Variants in FNDC3B observed in about 807,000 individuals in gnomAD.
FNDC3B encodes the protein fibronectin type III domain-containing protein 3B.
In FNDC3B, 12 loss-of-function variants were observed where a neutral mutation model predicts 151.5. The observed-to-expected ratio is 0.08, with a 90% CI of 0.05 to 0.13. The LOEUF is 0.13. Ranked by LOEUF, FNDC3B falls within the 10% of genes least tolerant of loss-of-function variation. The pLI is 1.00. For synonymous variants in FNDC3B, 528 were observed against 549.0 expected (o/e 0.96, Z 0.54); for missense variants, 1,214 against 1,505.3 (o/e 0.81, Z 3.20).
chr3:172,228,171 A>G (rs1726690125), intron 4 of FNDC3B, among the ~76,000 whole-genome samples: 1 of 152,200 alleles, frequency 6.6e-6, no homozygotes, highest in South Asian at 2.1e-4. Context: ...CTTACTTTAC[A>G]CAAGTCTTTG....
intron 25 of FNDC3B, among the ~76,000 whole-genome samples, chr3:172,381,444 C>CT (rs1031899122): frequency 1.3e-5 from 2 of 148,518 alleles, no homozygotes; most frequent in Admixed American, 6.7e-5. Context: ...GAAGTAGTCT[C>CT]TTTTTTTGTT....
chr3:172,224,079 A>G (rs563345285), intron 3 of FNDC3B, among the ~76,000 whole-genome samples: 19 of 152,368 alleles, frequency 1.2e-4, no homozygotes, highest in Non-Finnish European at 2.2e-4. Flanking sequence ...CACTCTTAAC[A>G]TCTGCTCCAT....
intron 3 of FNDC3B, among the ~76,000 whole-genome samples, chr3:172,220,159 G>C (rs1238063263): frequency 1.2e-5 from 1 of 81,584 alleles, no homozygotes; most frequent in East Asian, 2.5e-4. Context: ...GTCAACACTT[G>C]TTATTTTCTG....
intron 20 of FNDC3B, 48 bp from the exon 21 acceptor site, chr3:172,347,164 T>A: frequency 6.5e-7 from 1 of 1,550,122 alleles, no homozygotes; most frequent in Admixed American, 1.8e-5. Flanking sequence ...CACAGTAGGA[T>A]TCTCTTCTCA....
At chr3:172,064,468 C>A (rs1717388428) in intron 1 of FNDC3B, among the ~76,000 whole-genome samples, 1 of 152,192 alleles carries the variant, frequency 6.6e-6, no homozygotes, top group African/African-American at 2.4e-5. Context: ...GTTTACTCAT[C>A]TTTTATTCAT....
intron 2 of FNDC3B, among the ~76,000 whole-genome samples, chr3:172,116,706 C>T (rs981351771): frequency 6.6e-6 from 1 of 152,126 alleles, no homozygotes; most frequent in East Asian, 1.9e-4. Flanking sequence ...GCTGGGATTA[C>T]AGGCATATGC....
At chr3:172,093,420 G>A (rs1281717221) in intron 1 of FNDC3B, among the ~76,000 whole-genome samples, 3 of 151,842 alleles carry the variant, frequency 2.0e-5, no homozygotes, top group Non-Finnish European at 4.4e-5. Flanking sequence ...CACCGCACCC[G>A]GCTAATTTTT....
intron 1 of FNDC3B, among the ~76,000 whole-genome samples, chr3:172,097,834 C>G (rs893731571): frequency 2.6e-5 from 4 of 152,142 alleles, no homozygotes; most frequent in African/African-American, 4.8e-5. Flanking sequence ...ATACACATAT[C>G]TTTTATTTTA....
intron 1 of FNDC3B, among the ~76,000 whole-genome samples, chr3:172,076,566 A>C (rs1718021168): frequency 6.6e-6 from 1 of 152,186 alleles, no homozygotes; most frequent in African/African-American, 2.4e-5. Context: ...ATGAAATGTC[A>C]ATTTCTGGGA....
At chr3:172,278,314 C>T (rs1560053513) in intron 6 of FNDC3B, among the ~76,000 whole-genome samples, 4 of 152,048 alleles carry the variant, frequency 2.6e-5, no homozygotes, top group Admixed American at 1.3e-4. Flanking sequence ...TGTAGACTCC[C>T]ATGCAAAAAG....
intron 3 of FNDC3B, among the ~76,000 whole-genome samples, chr3:172,181,415 C>A (rs148145765): frequency 0.035 from 3,425 of 98,776 alleles, 110 homozygotes; most frequent in African/African-American, 0.1. Context: ...AAAAAAAAAA[C>A]AAAAAAAAAC....
At chr3:172,260,283 T>C (rs1162600150) in intron 6 of FNDC3B, among the ~76,000 whole-genome samples, 1 of 152,252 alleles carries the variant, frequency 6.6e-6, no homozygotes, top group Non-Finnish European at 1.5e-5. Context: ...TTAGAGATCG[T>C]CATCACAAAA....
intron 25 of FNDC3B, among the ~76,000 whole-genome samples, chr3:172,396,787 C>T (rs1441729898): frequency 6.6e-6 from 1 of 152,216 alleles, no homozygotes; most frequent in Admixed American, 6.5e-5. Flanking sequence ...GAAACTACCC[C>T]TGTCCGTGGA....
At chr3:172,069,919 C>T (rs1717684192) in intron 1 of FNDC3B, among the ~76,000 whole-genome samples, 1 of 152,100 alleles carries the variant, frequency 6.6e-6, no homozygotes, top group African/African-American at 2.4e-5. Context: ...TCACAGTGAC[C>T]CTGTGGTGTG....
intron 1 of FNDC3B, among the ~76,000 whole-genome samples, chr3:172,047,991 G>C (rs943401020): frequency 2.6e-5 from 4 of 152,156 alleles, no homozygotes; most frequent in African/African-American, 9.7e-5. Flanking sequence ...TTAGTATTTA[G>C]ATAAGGTAAT....
chr3:172,120,420 T>C (rs1720474332), intron 2 of FNDC3B, among the ~76,000 whole-genome samples: 1 of 152,192 alleles, frequency 6.6e-6, no homozygotes, highest in South Asian at 2.1e-4. Context: ...GGGTAGGGAC[T>C]GTCCCTCTCT....
chr3:172,310,687 A>C, intron 10 of FNDC3B, 141 bp from the exon 11 acceptor site: 1 of 708,166 alleles, frequency 1.4e-6, no homozygotes, highest in South Asian at 1.6e-5. Flanking sequence ...TGATTGACCA[A>C]GGAACGCAGG....
intron 1 of FNDC3B, among the ~76,000 whole-genome samples, chr3:172,044,016 G>A (rs1024560903): frequency 2.0e-5 from 3 of 152,192 alleles, no homozygotes; most frequent in African/African-American, 7.2e-5. Context: ...TTTTCCTTAT[G>A]TAGCTGCAGA....
intron 1 of FNDC3B, among the ~76,000 whole-genome samples, chr3:172,083,310 AG>A (rs1718375162): frequency 6.6e-6 from 1 of 152,186 alleles, no homozygotes; most frequent in Admixed American, 6.5e-5. Flanking sequence ...CATGTCCCAC[AG>A]GGGTGATAAG....
Sources: gnomAD v4.1 joint callset for allele counts (sites outside exome capture counted in the v4.1 genomes callset) on GRCh38, gnomAD v4.1.1 for gene constraint, MANE v1.5 for transcripts, NCBI Gene and HGNC (gene_info 2026-07-23, HGNC 2026-07-21) for gene names.